Variants in KCND2 observed in about 807,000 individuals in gnomAD.
KCND2 encodes A-type voltage-gated potassium channel KCND2.
In KCND2, 16 loss-of-function variants were observed where a neutral mutation model predicts 54.4. The observed-to-expected ratio is 0.29, with a 90% CI of 0.20 to 0.45. The LOEUF (loss-of-function observed/expected upper bound fraction) is 0.45. Ranked by LOEUF, KCND2 falls within the 20% of genes least tolerant of loss-of-function variation. The pLI is 1.00. For synonymous variants in KCND2, 317 were observed against 310.7 expected, an observed-to-expected ratio of 1.02 and a Z score of -0.21; for missense variants, 486 against 824.2, an observed-to-expected ratio of 0.59 and a Z score of 5.02.
chr7:120,338,852 A>G (rs1800191229), intron 1 of KCND2, among the ~76,000 whole-genome samples: 1 of 152,038 alleles, frequency 6.6e-6, no homozygotes, highest in African/African-American at 2.4e-5. Context: ...CTACTAGAAA[A>G]GAGACCTGGT....
chr7:120,356,773 G>A (rs372481774), intron 1 of KCND2, among the ~76,000 whole-genome samples: 4 of 152,048 alleles, frequency 2.6e-5, no homozygotes, highest in African/African-American at 9.7e-5. Flanking sequence ...GAAATTCTTA[G>A]TAGCACTCTC....
chr7:120,389,671 C>A (rs1801043832), intron 1 of KCND2, among the ~76,000 whole-genome samples: 1 of 151,662 alleles, frequency 6.6e-6, no homozygotes, highest in Non-Finnish European at 1.5e-5. Context: ...CTCATGTTAA[C>A]CTAATTTTTG....
intron 1 of KCND2, among the ~76,000 whole-genome samples, chr7:120,372,332 G>A (rs997817498): frequency 1.3e-4 from 20 of 151,580 alleles, no homozygotes; most frequent in African/African-American, 4.6e-4. Context: ...TCTAGAAGTG[G>A]TATAAATCAA....
intron 1 of KCND2, among the ~76,000 whole-genome samples, chr7:120,305,466 G>A (rs776756167): frequency 3.9e-5 from 6 of 151,972 alleles, no homozygotes; most frequent in African/African-American, 9.7e-5. Flanking sequence ...ATTTTTTCCC[G>A]TAAGTCTTAA....
chr7:120,555,304 ATTCATATTTTTTCC>A (rs1179613855), intron 1 of KCND2, among the ~76,000 whole-genome samples: 1 of 152,190 alleles, frequency 6.6e-6, no homozygotes, highest in African/African-American at 2.4e-5. Flanking sequence ...AGACAAACAT[ATTCATATTTTTTCC>A]TCCTTTGAAT....
intron 1 of KCND2, among the ~76,000 whole-genome samples, chr7:120,485,047 C>A (rs1401712701): frequency 6.6e-6 from 1 of 151,920 alleles, no homozygotes; most frequent in Non-Finnish European, 1.5e-5. Context: ...CCATCACTCC[C>A]AGCTAACTTT....
intron 1 of KCND2, among the ~76,000 whole-genome samples, chr7:120,489,278 A>G (rs1321752583): frequency 6.6e-6 from 1 of 152,096 alleles, no homozygotes; most frequent in Non-Finnish European, 1.5e-5. Flanking sequence ...TGATATATGT[A>G]TGAACTAGAT....
At chr7:120,632,542 T>C (rs2116517036) in intron 1 of KCND2, among the ~76,000 whole-genome samples, 1 of 152,330 alleles carries the variant, frequency 6.6e-6, no homozygotes, top group African/African-American at 2.4e-5. Context: ...TATGATAGTC[T>C]TTCCATTTTA....
chr7:120,322,240 A>G (rs957931008), intron 1 of KCND2, among the ~76,000 whole-genome samples: 3 of 152,102 alleles, frequency 2.0e-5, no homozygotes, highest in Admixed American at 1.3e-4. Context: ...GCACTTTTCT[A>G]TGTCAAATAT....
chr7:120,553,318 A>G (rs1473930533), intron 1 of KCND2, among the ~76,000 whole-genome samples: 1 of 152,130 alleles, frequency 6.6e-6, no homozygotes, highest in Non-Finnish European at 1.5e-5. Context: ...TGTTGTTTCA[A>G]ATAGCAGGAT....
intron 1 of KCND2, among the ~76,000 whole-genome samples, chr7:120,457,893 A>G (rs1194248603): frequency 1.3e-5 from 2 of 152,170 alleles, no homozygotes; most frequent in African/African-American, 4.8e-5. Flanking sequence ...TGGGTAATTT[A>G]TAATGGAAAG....
chr7:120,742,680 G>A (rs1408152705), intron 4 of KCND2, 78 bp downstream of exon 4: 7 of 1,099,104 alleles, frequency 6.4e-6, no homozygotes, highest in Non-Finnish European at 9.8e-6. Flanking sequence ...TAATGCTTCC[G>A]AGTGTGATTT....
At chr7:120,567,286 T>C (rs942345002) in intron 1 of KCND2, among the ~76,000 whole-genome samples, 20 of 152,206 alleles carry the variant, frequency 1.3e-4, no homozygotes, top group Non-Finnish European at 2.2e-4. Flanking sequence ...TATGTAATTA[T>C]ATATTCTTAA....
chr7:120,651,674 G>A (rs914017124), intron 1 of KCND2, among the ~76,000 whole-genome samples: 11 of 152,178 alleles, frequency 7.2e-5, no homozygotes, highest in African/African-American at 2.4e-4. Context: ...TATCTCGGTT[G>A]GAAATGCGGA....
chr7:120,737,839 AT>A (rs961528028), intron 2 of KCND2, among the ~76,000 whole-genome samples: 1 of 152,014 alleles, frequency 6.6e-6, no homozygotes, highest in African/African-American at 2.4e-5. Context: ...AAACACCTTC[AT>A]TACCTCACTT....
intron 1 of KCND2, among the ~76,000 whole-genome samples, chr7:120,297,106 A>G (rs1273428043): frequency 6.6e-6 from 1 of 152,042 alleles, no homozygotes; most frequent in African/African-American, 2.4e-5. Flanking sequence ...CTGGGCACTT[A>G]TATGTATCCA....
intron 1 of KCND2, among the ~76,000 whole-genome samples, chr7:120,415,544 A>T (rs1449170534): frequency 2.0e-5 from 3 of 151,876 alleles, no homozygotes; most frequent in African/African-American, 7.3e-5. Flanking sequence ...TTCTGCTCCT[A>T]CCTCTCTGCA....
chr7:120,687,939 AG>A (rs1255542504), intron 1 of KCND2, among the ~76,000 whole-genome samples: 5 of 152,180 alleles, frequency 3.3e-5, no homozygotes, highest in Non-Finnish European at 7.3e-5. Context: ...TTGCATAATA[AG>A]GGTAGACAGG....
At chr7:120,283,445 T>C (rs951674114) in intron 1 of KCND2, among the ~76,000 whole-genome samples, 1 of 152,152 alleles carries the variant, frequency 6.6e-6, no homozygotes, top group Non-Finnish European at 1.5e-5. Flanking sequence ...TAAAATTATT[T>C]ACCATGAATA....
Sources: allele counts gnomAD v4.1 joint callset (sites outside exome capture counted in the v4.1 genomes callset), GRCh38; gene constraint gnomAD v4.1.1; transcripts MANE v1.5; gene names NCBI Gene and HGNC (gene_info 2026-07-23, HGNC 2026-07-21).